AKAP12: variants seen among roughly 807,000 people sequenced by gnomAD.
AKAP12 encodes the protein A-kinase anchor protein 12.
AKAP12 carries 32 observed loss-of-function variants against 79.9 expected under a neutral mutation model. The ratio of observed to expected loss-of-function variants is 0.40; its 90% CI spans 0.30 to 0.54. AKAP12 has a LOEUF of 0.54. Ranked by LOEUF, AKAP12 falls within the 20% of genes least tolerant of loss-of-function variation. The pLI is 0.48. For synonymous variants in AKAP12, 808 were observed against 857.0 expected (o/e 0.94, Z 1.00); for missense variants, 2,074 against 2,177.0 (o/e 0.95, Z 0.94).
intron 2 of AKAP12, among the ~76,000 whole-genome samples, chr6:151,264,797 T>C (rs1161761056): frequency 1.3e-5 from 2 of 152,154 alleles, no homozygotes; most frequent in East Asian, 1.9e-4. Flanking sequence ...AAACATCTCA[T>C]TCATTTGCAA....
chr6:151,272,550 C>T lies in AKAP12; in HGVS notation c.162+31826C>T, dbSNP rs376078575. Among the ~76,000 whole-genome samples, 10 of 149,342 alleles carry T rather than the reference C, an allele frequency of 6.7e-5. No individual in the cohort carries two copies. The East Asian group carries it at 1.2e-3, about 18-fold the overall frequency. ...AGATAGATAGATAGAGATGGAGTCT[C>T]ACTCTGTCTCCCAGGCTGGAGTGCA... On this transcript the variant is annotated intron_variant, in intron 2 of 4. Transcript: ENST00000402676.
chr6:151,340,275 T>A, intron 3 of AKAP12, among the ~76,000 whole-genome samples: 1 of 151,412 alleles, frequency 6.6e-6, no homozygotes, highest in African/African-American at 2.4e-5. Flanking sequence ...TATTATGTTG[T>A]CTGGATATAC....
chr6:151,285,992 C>T (rs1271683699), intron 2 of AKAP12, among the ~76,000 whole-genome samples: 1 of 152,030 alleles, frequency 6.6e-6, no homozygotes, highest in African/African-American at 2.4e-5. Flanking sequence ...ATTCTTCTGC[C>T]TCAGCCTCCC....
intron 2 of AKAP12, among the ~76,000 whole-genome samples, chr6:151,288,170 A>G (rs1291980608): frequency 6.6e-6 from 1 of 151,754 alleles, no homozygotes; most frequent in Non-Finnish European, 1.5e-5. Context: ...CTCTCTAACA[A>G]ACCTGCGTGT....
At chr6:151,347,530 T>C (rs556189025) in intron 3 of AKAP12, among the ~76,000 whole-genome samples, 21 of 152,318 alleles carry the variant, frequency 1.4e-4, no homozygotes, top group Non-Finnish European at 2.8e-4. Flanking sequence ...CGTGACTACT[T>C]ATGTGGAACT....
At chr6:151,330,366 G>A (rs944452500) in intron 3 of AKAP12, among the ~76,000 whole-genome samples, 3 of 152,138 alleles carry the variant, frequency 2.0e-5, no homozygotes, top group Non-Finnish European at 2.9e-5. Context: ...TTGCTTTTAT[G>A]AATTTGCATA....
At chr6:151,315,543 T>C (rs945661273) in intron 3 of AKAP12, among the ~76,000 whole-genome samples, 6 of 152,218 alleles carry the variant, frequency 3.9e-5, no homozygotes, top group African/African-American at 1.4e-4. Flanking sequence ...CTGTAGTGGC[T>C]GTTTTATTTA....
chr6:151,332,445 ATATC>A (rs1156471860), intron 3 of AKAP12, among the ~76,000 whole-genome samples: 1 of 152,142 alleles, frequency 6.6e-6, no homozygotes, highest in Non-Finnish European at 1.5e-5. Context: ...TAAAATTATC[ATATC>A]TTTTCCAAGT....
At chr6:151,297,019 G>GTTTTTTTTTTTT in intron 2 of AKAP12, among the ~76,000 whole-genome samples, 1 of 127,656 alleles carries the variant, frequency 7.8e-6, no homozygotes, top group South Asian at 2.5e-4. Flanking sequence ...AAATAAAAGG[G>GTTTTTTTTTTTT]TTTTTTTTTT....
chr6:151,252,220 A>T (rs1289309457), intron 2 of AKAP12, among the ~76,000 whole-genome samples: 2 of 147,982 alleles, frequency 1.4e-5, no homozygotes, highest in African/African-American at 2.5e-5. Context: ...TTTTTCTGAG[A>T]TGGAGTCTCG....
At chr6:151,325,641 G>A (rs2114785491) in intron 3 of AKAP12, 2 of 1,394,630 alleles carry the variant, frequency 1.4e-6, no homozygotes, top group Non-Finnish European at 1.9e-6. Context: ...GTGGGGGTCC[G>A]CCTATAATTA....
chr6:151,315,705 C>T (rs1274231112), intron 3 of AKAP12, among the ~76,000 whole-genome samples: 1 of 152,102 alleles, frequency 6.6e-6, no homozygotes, highest in Admixed American at 6.5e-5. Context: ...TGTATTGGTC[C>T]ATTCTCACAC....
intron 2 of AKAP12, among the ~76,000 whole-genome samples, chr6:151,256,299 G>T (rs1375184399): frequency 1.3e-5 from 2 of 152,164 alleles, no homozygotes; most frequent in African/African-American, 4.8e-5. Context: ...AAGGGGAAAT[G>T]GAATGTGCAT....
At chr6:151,308,624 A>C (rs1777025772) in intron 3 of AKAP12, among the ~76,000 whole-genome samples, 1 of 152,008 alleles carries the variant, frequency 6.6e-6, no homozygotes, top group Admixed American at 6.6e-5. Context: ...TACCCACCAG[A>C]GGTGTTTCTG....
In AKAP12 at chr6:151,240,510, G is replaced by T. The variant is rs74903870; in HGVS notation, c.-53G>T. 5.2e-3 allele frequency: 7,143 copies of T among 1,378,268 alleles called. 315 individuals are homozygous for T. The African/African-American group carries it at 0.097, about 19-fold the overall frequency. The allele number at this position is 1,378,268 out of a possible 1,614,324, so 85.4% of individuals were successfully genotyped here. The stretch of plus-strand genomic sequence containing the variant: ...TTTGGCTCTTGCCCCTGTCCCTGCG[G>T]CTTGGGGAAGGCGTAACCCGGCGGC... On this transcript the variant is annotated 5_prime_UTR_variant, in exon 2 of 5. Coordinates refer to ENST00000402676, the MANE Select transcript of AKAP12 (RefSeq NM_005100.4).
At chr6:151,346,931 T>G (rs1465392236) in intron 3 of AKAP12, among the ~76,000 whole-genome samples, 1 of 152,266 alleles carries the variant, frequency 6.6e-6, no homozygotes, top group Non-Finnish European at 1.5e-5. Context: ...TCTCCTCATT[T>G]ACCTTTTTTA....
chr6:151,325,229 G>C, intron 3 of AKAP12: 1 of 985,408 alleles, frequency 1.0e-6, no homozygotes, highest in Non-Finnish European at 1.2e-6. Context: ...AAGAAGGGAG[G>C]TGTTGGCACC....
chr6:151,249,038 A>G (rs1237045715), intron 2 of AKAP12, among the ~76,000 whole-genome samples: 1 of 151,924 alleles, frequency 6.6e-6, no homozygotes, highest in Non-Finnish European at 1.5e-5. Context: ...AGATTGTGCC[A>G]TTCAAGGTAA....
chr6:151,324,393 G>A lies in AKAP12; in HGVS notation c.319+18490G>A, dbSNP rs568521411. 7 of 985,340 alleles carry A rather than the reference G, an allele frequency of 7.1e-6. No individual in the cohort carries two copies. In the East Asian group the frequency reaches 8.0e-4, roughly 112 times the overall value. The allele number at this position is 985,340 out of a possible 1,614,324, so 61.0% of individuals were successfully genotyped here. A position where few individuals can be genotyped will look rare whatever the true frequency, so the allele number is the denominator to read the frequency against. The stretch of plus-strand genomic sequence containing the variant: ...AGCGGTTTTCACGTTGCTCACTCTG[G>A]GCCCGAGTGTGGTGCATCGCGCCCC... On this transcript the variant is annotated intron_variant, in intron 3 of 4. Coordinates refer to ENST00000402676, the MANE Select transcript of AKAP12 (RefSeq NM_005100.4).
Sources: allele counts gnomAD v4.1 joint callset (sites outside exome capture counted in the v4.1 genomes callset), GRCh38; gene constraint gnomAD v4.1.1; transcripts MANE v1.5; gene names NCBI Gene and HGNC (gene_info 2026-07-23, HGNC 2026-07-21).